Variants in SLC35D4 observed in about 807,000 individuals in gnomAD.
SLC35D4 encodes UDP-N-acetylglucosamine transporter SLC35D4.
chr18:23,293,057 T>C, the SLC35D4 span, among the ~76,000 whole-genome samples: 2 of 152,140 alleles, frequency 1.3e-5, no homozygotes, highest in African/African-American at 2.4e-5. Flanking sequence ...CTGACCAATG[T>C]TGTGAAACCC....
At chr18:23,345,798 G>C in the SLC35D4 span, among the ~76,000 whole-genome samples, 2 of 151,162 alleles carry the variant, frequency 1.3e-5, no homozygotes, top group African/African-American at 2.4e-5. Context: ...TAACAATATT[G>C]TATTTCTTGA....
chr18:23,392,984 C>T, the SLC35D4 span, among the ~76,000 whole-genome samples: 2 of 152,076 alleles, frequency 1.3e-5, no homozygotes, highest in Admixed American at 1.3e-4. Context: ...GGCATGATCT[C>T]GGCTCACTGC....
chr18:23,385,637 G>C, the SLC35D4 span, among the ~76,000 whole-genome samples: 1 of 152,172 alleles, frequency 6.6e-6, no homozygotes, highest in Non-Finnish European at 1.5e-5. Flanking sequence ...AATGAGGAAG[G>C]GGGACGTGAG....
chr18:23,320,139 C>T, the SLC35D4 span, among the ~76,000 whole-genome samples: 3,188 of 152,198 alleles, frequency 0.021, 110 homozygotes, highest in African/African-American at 0.072. Flanking sequence ...ACTACAATTC[C>T]ACAAATATTA....
chr18:23,423,196 G>A, the SLC35D4 span, among the ~76,000 whole-genome samples: 4 of 152,200 alleles, frequency 2.6e-5, no homozygotes, highest in Non-Finnish European at 5.9e-5. Flanking sequence ...GTCTGGTTGT[G>A]CCATCCTCTT....
the SLC35D4 span, chr18:23,373,638 GA>G: frequency 6.5e-7 from 1 of 1,538,516 alleles, no homozygotes; most frequent in East Asian, 2.3e-5. Context: ...GAAGGACTAG[GA>G]AATTCTGGTC....
At chr18:23,307,212 T>A in the SLC35D4 span, among the ~76,000 whole-genome samples, 1 of 152,268 alleles carries the variant, frequency 6.6e-6, no homozygotes, top group African/African-American at 2.4e-5. Context: ...TTACTTGATA[T>A]ATTTCTGTAT....
the SLC35D4 span, among the ~76,000 whole-genome samples, chr18:23,272,462 T>C: frequency 1.3e-5 from 2 of 152,098 alleles, 1 homozygote; most frequent in Admixed American, 1.3e-4. Flanking sequence ...TAAGTAAATA[T>C]ACTTATTTTT....
At chr18:23,301,471 A>G in the SLC35D4 span, among the ~76,000 whole-genome samples, 1 of 152,202 alleles carries the variant, frequency 6.6e-6, no homozygotes, top group Non-Finnish European at 1.5e-5. Context: ...GGGATAAGAA[A>G]TCTTTACTCA....
chr18:23,411,553 G>GAAAGAAAGAAAGA, the SLC35D4 span, among the ~76,000 whole-genome samples: 3 of 151,246 alleles, frequency 2.0e-5, no homozygotes, highest in East Asian at 1.9e-4. Flanking sequence ...AAGAAAGAAA[G>GAAAGAAAGAAAGA]GTGTGTGCTG....
chr18:23,275,508 C>T, the SLC35D4 span, among the ~76,000 whole-genome samples: 2 of 152,084 alleles, frequency 1.3e-5, no homozygotes, highest in East Asian at 1.9e-4. Flanking sequence ...AGGGGCTTCG[C>T]GAGAACAAGC....
the SLC35D4 span, among the ~76,000 whole-genome samples, chr18:23,335,154 C>T: frequency 6.6e-6 from 1 of 152,108 alleles, no homozygotes; most frequent in Admixed American, 6.5e-5. Context: ...AACAGGAAAA[C>T]AAGTCTGAGG....
the SLC35D4 span, among the ~76,000 whole-genome samples, chr18:23,383,314 G>A: frequency 6.6e-6 from 1 of 151,956 alleles, no homozygotes; most frequent in Admixed American, 6.6e-5. Flanking sequence ...ACCCTGAAGA[G>A]GCAGACAAAG....
At chr18:23,419,281 ATTTCTTTTT>A in the SLC35D4 span, among the ~76,000 whole-genome samples, 4,066 of 151,830 alleles carry the variant, frequency 0.027, 59 homozygotes, top group Middle Eastern at 0.062. Flanking sequence ...GGTCTTTAAA[ATTTCTTTTT>A]TTTCTTTTTT....
the SLC35D4 span, among the ~76,000 whole-genome samples, chr18:23,289,030 G>GA: frequency 6.6e-6 from 1 of 152,024 alleles, no homozygotes; most frequent in East Asian, 1.9e-4. Flanking sequence ...TTTTTATTAG[G>GA]CCCCAGTCTC....
At chr18:23,360,204 A>C in the SLC35D4 span, among the ~76,000 whole-genome samples, 3 of 152,222 alleles carry the variant, frequency 2.0e-5, no homozygotes, top group Admixed American at 1.3e-4. Flanking sequence ...GCTGGGTGGG[A>C]GTGGAAAATG....
At chr18:23,371,942 T>TTTGTTTTTTTTG in the SLC35D4 span, among the ~76,000 whole-genome samples, 1 of 30,752 alleles carries the variant, frequency 3.3e-5, no homozygotes, top group South Asian at 1.0e-3. Context: ...TTTGTTTTTT[T>TTTGTTTTTTTTG]TTTTTTTTTT....
At chr18:23,265,491 A>T in the SLC35D4 span, among the ~76,000 whole-genome samples, 536 of 151,860 alleles carry the variant, frequency 3.5e-3, 7 homozygotes, top group African/African-American at 0.012. Context: ...GGAAACAAGC[A>T]GTAGGAATCG....
the SLC35D4 span, among the ~76,000 whole-genome samples, chr18:23,293,706 A>G: frequency 2.0e-4 from 31 of 152,268 alleles, no homozygotes; most frequent in African/African-American, 7.5e-4. Flanking sequence ...CCCAGGGTTA[A>G]CACCAATATT....
Sources: allele counts gnomAD v4.1 joint callset (sites outside exome capture counted in the v4.1 genomes callset), GRCh38; gene constraint gnomAD v4.1.1; transcripts MANE v1.5; gene names NCBI Gene and HGNC (gene_info 2026-07-23, HGNC 2026-07-21).